Variants in SH3RF3 observed in about 807,000 individuals in gnomAD.
SH3RF3 encodes SH3 domain containing ring finger 3.
SH3RF3 carries 29 observed loss-of-function variants against 66.3 expected under a neutral mutation model. The ratio of observed to expected loss-of-function variants is 0.44; its 90% confidence interval spans 0.33 to 0.60. The LOEUF (loss-of-function observed/expected upper bound fraction) is 0.60. Ranked by LOEUF, SH3RF3 falls within the 20% of genes least tolerant of loss-of-function variation. SH3RF3 has a pLI of 0.04. For synonymous variants in SH3RF3, 583 were observed against 532.0 expected, an observed-to-expected ratio of 1.10 and a Z score of -1.32; for missense variants, 1,194 against 1,190.9, an observed-to-expected ratio of 1.00 and a Z score of -0.04.
At chr2:109,291,289 T>C (rs1681171972) in intron 1 of SH3RF3, among the ~76,000 whole-genome samples, 1 of 152,080 alleles carries the variant, frequency 6.6e-6, no homozygotes, top group African/African-American at 2.4e-5. Flanking sequence ...TCTTTTTTTT[T>C]TTTTTTTTGC....
rs559302307 is a variant in SH3RF3, at chr2:109,296,640, C to G, written c.574-51034C>G. On this transcript the variant is annotated intron_variant, in intron 1 of 9. Transcript: ENST00000309415. ...GGACTCAGGGTAAATGAGCTGGGCC[C>G]TGCACCATCTGTTCTTGCTCCCTTT... Among the ~76,000 whole-genome samples, 4 of 152,310 alleles carry G rather than the reference C, an allele frequency of 2.6e-5. No individual in the cohort carries two copies. The South Asian group carries it at 8.3e-4, about 32-fold the overall frequency.
At chr2:109,306,805 G>A (rs1322918594) in intron 1 of SH3RF3, among the ~76,000 whole-genome samples, 2 of 152,238 alleles carry the variant, frequency 1.3e-5, no homozygotes, top group African/African-American at 4.8e-5. Flanking sequence ...TAGACTGGTT[G>A]ATTACGTATT....
chr2:109,479,467 C>T (rs570042970), intron 8 of SH3RF3, among the ~76,000 whole-genome samples: 2 of 152,134 alleles, frequency 1.3e-5, no homozygotes, highest in Admixed American at 6.5e-5. Context: ...CAGCTGCCTC[C>T]GGTTTGGTAC....
chr2:109,446,500 A>G (rs902985392), intron 7 of SH3RF3, among the ~76,000 whole-genome samples: 1 of 152,194 alleles, frequency 6.6e-6, no homozygotes, highest in Non-Finnish European at 1.5e-5. Flanking sequence ...CTGGAGCTAG[A>G]GCAGGAGCAG....
chr2:109,407,323 GAC>G (rs1454894980), intron 4 of SH3RF3, among the ~76,000 whole-genome samples: 5 of 152,342 alleles, frequency 3.3e-5, no homozygotes, highest in African/African-American at 9.6e-5. Flanking sequence ...AACATCAAAA[GAC>G]AGCATTTCTC....
chr2:109,297,385 C>T (rs1681340356), intron 1 of SH3RF3, among the ~76,000 whole-genome samples: 1 of 152,072 alleles, frequency 6.6e-6, no homozygotes, highest in Non-Finnish European at 1.5e-5. Context: ...AGATTCTGCC[C>T]CCCAGGGGAG....
At chr2:109,343,606 G>A (rs550850598) in intron 1 of SH3RF3, among the ~76,000 whole-genome samples, 12 of 152,232 alleles carry the variant, frequency 7.9e-5, no homozygotes, top group African/African-American at 1.9e-4. Flanking sequence ...TGCTTGCTCC[G>A]AGAATCATGC....
intron 8 of SH3RF3, 151 bp from the exon 9 acceptor site, chr2:109,490,454 G>A: frequency 1.6e-6 from 1 of 640,382 alleles, no homozygotes. Context: ...TCTGGCTACT[G>A]CTGTTGCTGT....
intron 1 of SH3RF3, among the ~76,000 whole-genome samples, chr2:109,223,994 T>G (rs1289299802): frequency 6.6e-6 from 1 of 152,140 alleles, no homozygotes; most frequent in Non-Finnish European, 1.5e-5. Flanking sequence ...AGAGTGAGAC[T>G]CCGTCTCAAA....
chr2:109,263,586 ATTTTCATTCC>A (rs1370859852), intron 1 of SH3RF3, among the ~76,000 whole-genome samples: 4 of 152,128 alleles, frequency 2.6e-5, no homozygotes, highest in Admixed American at 2.0e-4. Flanking sequence ...TAGGAGGTGG[ATTTTCATTCC>A]TTGAGCAAAG....
chr2:109,333,345 C>A (rs575085724), intron 1 of SH3RF3, among the ~76,000 whole-genome samples: 1 of 152,300 alleles, frequency 6.6e-6, no homozygotes, highest in Non-Finnish European at 1.5e-5. Context: ...TGAATGTGAT[C>A]AATGTAATGT....
chr2:109,314,938 A>G (rs1681836280), intron 1 of SH3RF3, among the ~76,000 whole-genome samples: 1 of 152,182 alleles, frequency 6.6e-6, no homozygotes, highest in African/African-American at 2.4e-5. Context: ...TCCCCGTATG[A>G]ATCTCATTCT....
At chr2:109,207,850 G>C (rs988652332) in intron 1 of SH3RF3, among the ~76,000 whole-genome samples, 1 of 152,082 alleles carries the variant, frequency 6.6e-6, no homozygotes, top group Non-Finnish European at 1.5e-5. Flanking sequence ...ACCTCATATT[G>C]TTTGGGGACC....
intron 1 of SH3RF3, among the ~76,000 whole-genome samples, chr2:109,251,071 G>A (rs1340091280): frequency 6.6e-6 from 1 of 151,502 alleles, no homozygotes; most frequent in East Asian, 1.9e-4. Context: ...GCATGATCTC[G>A]GCTCATGGCA....
At chr2:109,256,709 G>T (rs1416495203) in intron 1 of SH3RF3, among the ~76,000 whole-genome samples, 2 of 152,142 alleles carry the variant, frequency 1.3e-5, no homozygotes, top group Non-Finnish European at 2.9e-5. Context: ...TCTTCCTTGT[G>T]TGGAGTTAAC....
chr2:109,258,517 G>T (rs1414895002), intron 1 of SH3RF3, among the ~76,000 whole-genome samples: 2 of 152,184 alleles, frequency 1.3e-5, no homozygotes, highest in African/African-American at 4.8e-5. Context: ...GGCCAGGGCG[G>T]TGAGCCTCCG....
chr2:109,355,650 G>C (rs948564230), intron 2 of SH3RF3, among the ~76,000 whole-genome samples: 4 of 152,136 alleles, frequency 2.6e-5, no homozygotes, highest in Non-Finnish European at 5.9e-5. Flanking sequence ...TTTCCTCTTC[G>C]GCCATTGGGA....
chr2:109,502,268 G>A lies in SH3RF3; in HGVS notation c.*597G>A, dbSNP rs1445356314. ...GAATCTGTGGGCTTGTCGCCTGCCAGTAGTATAAGCAACACTTTCTGTTCA... is the reference window on the plus strand; with the variant it reads ...GAATCTGTGGGCTTGTCGCCTGCCAATAGTATAAGCAACACTTTCTGTTCA... On this transcript the variant is annotated 3_prime_UTR_variant, in exon 10 of 10. Transcript: ENST00000309415. 3.3e-5 allele frequency: 5 copies of A among 152,216 alleles called. No individual in the cohort carries two copies. Among genetic ancestry groups the A allele is most frequent in the Non-Finnish European group, 7.3e-5 (5 of 68,052 alleles). 9.4% of individuals were successfully genotyped at this position (152,216 alleles called of 1,614,324 possible). A position where few individuals can be genotyped will look rare whatever the true frequency, so the allele number is the denominator to read the frequency against.
chr2:109,479,668 TCTC>T (rs1678781861), intron 8 of SH3RF3, among the ~76,000 whole-genome samples: 1 of 152,104 alleles, frequency 6.6e-6, no homozygotes, highest in Non-Finnish European at 1.5e-5. Context: ...TGCACTTTTG[TCTC>T]CTCATTTTTA....
Sources: allele counts gnomAD v4.1 joint callset (sites outside exome capture counted in the v4.1 genomes callset), GRCh38; gene constraint gnomAD v4.1.1; transcripts MANE v1.5; gene names NCBI Gene and HGNC (gene_info 2026-07-23, HGNC 2026-07-21).